Variants in CACNA1E observed in about 807,000 individuals in gnomAD.
CACNA1E encodes calcium voltage-gated channel subunit alpha1 E, also known as voltage-dependent R-type calcium channel subunit alpha-1E.
Under a neutral mutation model 259.2 loss-of-function variants are expected in CACNA1E, and 40 were observed. The ratio of observed to expected loss-of-function variants is 0.15; its 90% CI spans 0.12 to 0.20. CACNA1E has a LOEUF of 0.20. Among genes scored for constraint, CACNA1E ranks in the 10% least tolerant of loss-of-function variants. CACNA1E has a pLI of 1.00. For synonymous variants in CACNA1E, 1,104 were observed against 1,138.5 expected (o/e 0.97, Z 0.61); for missense variants, 1,874 against 3,040.1 (o/e 0.62, Z 9.02).
chr1:181,674,572 A>G (rs1215053474), intron 7 of CACNA1E, among the ~76,000 whole-genome samples: 1 of 152,082 alleles, frequency 6.6e-6, no homozygotes, highest in Non-Finnish European at 1.5e-5. Flanking sequence ...AGTCCCCCTA[A>G]TATGGACCAG....
chr1:181,786,641 G>A (rs948313842), intron 43 of CACNA1E, among the ~76,000 whole-genome samples: 1 of 152,052 alleles, frequency 6.6e-6, no homozygotes, highest in Non-Finnish European at 1.5e-5. Flanking sequence ...ATTATATTTC[G>A]ATCATCAGCA....
At chr1:181,546,109 C>T (rs1647436398) in intron 3 of CACNA1E, among the ~76,000 whole-genome samples, 1 of 152,002 alleles carries the variant, frequency 6.6e-6, no homozygotes, top group South Asian at 2.1e-4. Context: ...GAGTGTTCAC[C>T]TCTAGCAGAT....
rs138639334 is a variant in CACNA1E at position 181,673,124 on chromosome 1, A to G, written c.1055+21683A>G. Among the ~76,000 whole-genome samples, 368 of 152,348 alleles carry G rather than the reference A, an allele frequency of 2.4e-3. 3 individuals carry two copies. The highest frequency in any genetic ancestry group is 4.1e-3 in the Non-Finnish European group (277 of 68,034). The stretch of plus-strand genomic sequence containing the variant: ...TAATCCACTGGGAACCCTAGAAGGA[A>G]CCATGTAGAACGTACCTCAGCCCTG... On this transcript the variant is annotated intron_variant, in intron 7 of 47. Coordinates refer to ENST00000367573, the MANE Select transcript of CACNA1E (RefSeq NM_001205293.3).
intron 2 of CACNA1E, among the ~76,000 whole-genome samples, chr1:181,439,447 A>C (rs923183180): frequency 5.3e-5 from 8 of 151,312 alleles, no homozygotes; most frequent in Admixed American, 3.3e-4. Context: ...TCTGCTCCCA[A>C]ATTGCTCCGA....
At chr1:181,631,785 A>G (rs1352437302) in intron 6 of CACNA1E, among the ~76,000 whole-genome samples, 1 of 152,198 alleles carries the variant, frequency 6.6e-6, no homozygotes, top group Non-Finnish European at 1.5e-5. Context: ...TTGCAAGCTG[A>G]AAGTAGAGAG....
intron 3 of CACNA1E, among the ~76,000 whole-genome samples, chr1:181,548,941 G>A (rs1456619408): frequency 6.6e-6 from 1 of 152,140 alleles, no homozygotes; most frequent in Non-Finnish European, 1.5e-5. Context: ...CAGGTAACAA[G>A]GCACAGCAGC....
chr1:181,520,438 C>T (rs550946284), intron 3 of CACNA1E, among the ~76,000 whole-genome samples: 20 of 152,214 alleles, frequency 1.3e-4, no homozygotes, highest in African/African-American at 4.8e-4. Flanking sequence ...ACATAAAGCA[C>T]CATGAGTGCC....
Position 181,610,210 on chromosome 1 carries a change from A to C in CACNA1E, c.951+29434A>C, listed in dbSNP as rs982118711. 2.6e-5 allele frequency among the ~76,000 whole-genome samples: 4 copies of C among 152,238 alleles called. 1 individual carries two copies. The South Asian group carries it at 8.3e-4, about 32-fold the overall frequency. On this transcript the variant is annotated intron_variant, in intron 6 of 47. Coordinates refer to ENST00000367573, the MANE Select transcript of CACNA1E (RefSeq NM_001205293.3). ...TACAGAGAGAGTCTGTAGACTGGGC[A>C]TACTTCCTGAAGGCAAGTCTTTTCA...
At chr1:181,797,242 G>A (rs1661890336) in intron 47 of CACNA1E, among the ~76,000 whole-genome samples, 1 of 152,140 alleles carries the variant, frequency 6.6e-6, no homozygotes, top group Admixed American at 6.5e-5. Flanking sequence ...CTCAGCCCAG[G>A]ATTCACAAGT....
Position 181,766,262 on chromosome 1 carries a change from C to T in CACNA1E, c.4816-284C>T, listed in dbSNP as rs147267603. ...TGAACCCCAAGCCCAGGAAGTTTTC[C>T]CAGCTTTCCTTCTAGATATGGGCTA... is the stretch of plus-strand genomic sequence containing the variant. On this transcript the variant is annotated intron_variant, in intron 34 of 47. Coordinates refer to ENST00000367573, the MANE Select transcript of CACNA1E (RefSeq NM_001205293.3). 3.4e-3 allele frequency among the ~76,000 whole-genome samples: 525 copies of T among 152,272 alleles called. 2 individuals carry two copies. The highest frequency in any genetic ancestry group is 6.0e-3 in the Non-Finnish European group (407 of 68,010).
At chr1:181,526,776 C>A (rs1431228534) in intron 3 of CACNA1E, among the ~76,000 whole-genome samples, 1 of 152,128 alleles carries the variant, frequency 6.6e-6, no homozygotes, top group East Asian at 1.9e-4. Flanking sequence ...AACCTCTCAT[C>A]CTCAATTTCC....
chr1:181,768,108 C>T (rs574664632), intron 35 of CACNA1E, among the ~76,000 whole-genome samples: 2 of 152,316 alleles, frequency 1.3e-5, no homozygotes, highest in South Asian at 4.1e-4. Flanking sequence ...ATCTGGTTAT[C>T]ATGAAGTTCC....
intron 3 of CACNA1E, among the ~76,000 whole-genome samples, chr1:181,577,086 G>A (rs926172228): frequency 6.6e-6 from 1 of 152,158 alleles, no homozygotes; most frequent in South Asian, 2.1e-4. Context: ...GAAATAAGTT[G>A]TCTCCTTGGT....
At chr1:181,504,317 C>T (rs1201693246) in intron 1 of CACNA1E, among the ~76,000 whole-genome samples, 2 of 152,052 alleles carry the variant, frequency 1.3e-5, no homozygotes, top group African/African-American at 2.4e-5. Flanking sequence ...GAGTGCCCAC[C>T]GACTGCTCCC....
chr1:181,517,334 G>A (rs1404986710), intron 3 of CACNA1E, among the ~76,000 whole-genome samples: 1 of 152,072 alleles, frequency 6.6e-6, no homozygotes, highest in Non-Finnish European at 1.5e-5. Flanking sequence ...CCTGGCAGGT[G>A]GCATGGGGAG....
At chr1:181,722,301 G>A (rs1278742987) in intron 16 of CACNA1E, among the ~76,000 whole-genome samples, 2 of 152,288 alleles carry the variant, frequency 1.3e-5, no homozygotes, top group South Asian at 2.1e-4. Context: ...TGCTATTACT[G>A]CTAATTATAG....
intron 7 of CACNA1E, among the ~76,000 whole-genome samples, chr1:181,706,061 C>T (rs1238332579): frequency 6.6e-6 from 1 of 152,032 alleles, no homozygotes; most frequent in Non-Finnish European, 1.5e-5. Flanking sequence ...TGAAAAGGAG[C>T]CAATTACCTA....
At chr1:181,782,190 G>A (rs886386681) in intron 39 of CACNA1E, among the ~76,000 whole-genome samples, 1 of 152,226 alleles carries the variant, frequency 6.6e-6, no homozygotes, top group African/African-American at 2.4e-5. Context: ...TCAAAAGGAA[G>A]GGAAATAATG....
At chr1:181,355,702 A>T (rs957966740) in intron 1 of CACNA1E, among the ~76,000 whole-genome samples, 3 of 152,198 alleles carry the variant, frequency 2.0e-5, no homozygotes, top group Admixed American at 6.5e-5. Context: ...TGATAATTTT[A>T]AAAAAATATG....
Sources: allele counts gnomAD v4.1 joint callset (sites outside exome capture counted in the v4.1 genomes callset), GRCh38; gene constraint gnomAD v4.1.1; transcripts MANE v1.5; gene names NCBI Gene and HGNC (gene_info 2026-07-23, HGNC 2026-07-21).